The following PCDHA3 variants were observed in gnomAD, a reference collection of about 807,000 sequenced individuals.
PCDHA3 encodes protocadherin alpha-3.
In PCDHA3, 41 loss-of-function variants were observed where a neutral mutation model predicts 62.2. That is an observed-to-expected ratio of 0.66 (90% CI 0.51 to 0.86). The LOEUF is 0.86. PCDHA3 is among the 40% of genes least tolerant of loss of function. PCDHA3 has a pLI of 0.00. For missense variants in PCDHA3, 1,304 were observed against 1,241.2 expected, an observed-to-expected ratio of 1.05 and a Z score of -0.76; for synonymous variants, 640 against 555.4, an observed-to-expected ratio of 1.15 and a Z score of -2.14.
At chr5:140,878,174 T>C (rs1554170323) in intron 1 of PCDHA3, 2 of 167,818 alleles carry the variant, frequency 1.2e-5, no homozygotes, top group African/African-American at 2.4e-5. Flanking sequence ...TGTTCATAAT[T>C]TCAAGATTAC....
At chr5:140,871,055 A>T (rs782721683) in intron 1 of PCDHA3, 9 of 1,613,326 alleles carry the variant, frequency 5.6e-6, no homozygotes, top group African/African-American at 2.7e-5. Context: ...GTACTGGTGA[A>T]GGATCACGGT....
At chr5:140,909,632 A>G (rs781948813) in intron 1 of PCDHA3, among the ~76,000 whole-genome samples, 3 of 152,038 alleles carry the variant, frequency 2.0e-5, no homozygotes, top group South Asian at 2.1e-4. Flanking sequence ...TGGTCTTCCT[A>G]TTTTGTCTTT....
At chr5:140,814,506 A>G (rs1428640879) in intron 1 of PCDHA3, 1 of 151,872 alleles carries the variant, frequency 6.6e-6, no homozygotes, top group African/African-American at 2.4e-5. Flanking sequence ...ACTGTAAAAT[A>G]CCACTAAAAA....
At chr5:140,876,172 G>C in intron 1 of PCDHA3, 1 of 1,613,970 alleles carries the variant, frequency 6.2e-7, no homozygotes, top group East Asian at 2.2e-5. Flanking sequence ...AACCGTCCTG[G>C]ATGTGAATGA....
Position 140,802,435 on chromosome 5 carries a change from T to C in PCDHA3, c.1238T>C (p.Leu413Pro). The C allele has an allele frequency of 6.2e-7, 1 of 1,614,234 alleles. No homozygotes were observed. Among genetic ancestry groups the C allele is most frequent in the Non-Finnish European group, 8.5e-7 (1 of 1,180,040 alleles). ...TACTCATTGGTGCTGGACAGCCCTCTGGACCGCGAGAGCGTGTCGGCCTAT... is the reference window on the plus strand; with the variant it reads ...TACTCATTGGTGCTGGACAGCCCTCCGGACCGCGAGAGCGTGTCGGCCTAT... ...NYYSLVLDSP[L>P]DRESVSAYEL... The change falls in exon 1 of 4, where the codon CTG becomes CCG. Residue 413 changes from leucine to proline, a missense_variant. Physicochemically the swap from Leu to Pro is moderately conservative, Grantham distance 98. Coordinates refer to ENST00000522353, the MANE Select transcript of PCDHA3 (RefSeq NM_018906.3).
At chr5:140,896,000 AG>A (rs1239259521) in intron 1 of PCDHA3, among the ~76,000 whole-genome samples, 1 of 152,064 alleles carries the variant, frequency 6.6e-6, no homozygotes, top group Non-Finnish European at 1.5e-5. Flanking sequence ...AAGTAGAGAC[AG>A]GGTTTCTCCA....
Position 140,993,289 on chromosome 5 carries a change from C to T in PCDHA3, c.2542+10726C>T, listed in dbSNP as rs148346866. Among the ~76,000 whole-genome samples the T allele has an allele frequency of 3.6e-3, 552 of 152,140 alleles. 3 individuals are homozygous for T. The highest frequency in any genetic ancestry group is 0.01 in the Middle Eastern group (3 of 294). On this transcript the variant is annotated intron_variant, in intron 3 of 3. Coordinates refer to ENST00000522353, the MANE Select transcript of PCDHA3 (RefSeq NM_018906.3). ...TCTTTGGTCTTTTCTTGCCCAGGGTCACAACCTTGCCTCCAGGATAATACC... is the reference window on the plus strand; with the variant it reads ...TCTTTGGTCTTTTCTTGCCCAGGGTTACAACCTTGCCTCCAGGATAATACC...
chr5:140,966,678 C>T, intron 1 of PCDHA3: 5 of 1,313,350 alleles, frequency 3.8e-6, no homozygotes, highest in South Asian at 3.6e-5. Context: ...CAGGGTGGCA[C>T]GAGCGGAGGC....
At position 140,877,451 on chromosome 5, in the gene PCDHA3, C is replaced by T. The variant is rs782361627; in HGVS notation, c.2394+73860C>T. ...AAGGACCACGGTGAGCCCGCGCTGA[C>T]GTCCACGGCCACGGTGCTGGTGTCG... On this transcript the variant is annotated intron_variant, in intron 1 of 3. Coordinates refer to ENST00000522353, the MANE Select transcript of PCDHA3 (RefSeq NM_018906.3). The T allele has an allele frequency of 3.5e-5, 57 of 1,613,672 alleles. No individual in the cohort carries two copies. The East Asian group carries it at 1.2e-3, about 35-fold the overall frequency.
intron 3 of PCDHA3, among the ~76,000 whole-genome samples, chr5:141,000,413 A>AT (rs2097920175): frequency 1.1e-5 from 1 of 93,256 alleles, no homozygotes; most frequent in African/African-American, 4.5e-5. Context: ...ATATATATAT[A>AT]TATATATATT....
intron 1 of PCDHA3, among the ~76,000 whole-genome samples, chr5:140,945,113 T>C (rs1359604882): frequency 2.6e-5 from 4 of 152,084 alleles, no homozygotes; most frequent in African/African-American, 4.8e-5. Flanking sequence ...AGTTGAAAGA[T>C]AAAAAATCAA....
intron 1 of PCDHA3, among the ~76,000 whole-genome samples, chr5:140,977,973 A>G (rs1336063493): frequency 4.6e-5 from 7 of 152,178 alleles, no homozygotes; most frequent in Admixed American, 3.9e-4. Flanking sequence ...TCCGCCCATG[A>G]AAACGCATCT....
chr5:140,894,852 T>C (rs1366360589), intron 1 of PCDHA3, among the ~76,000 whole-genome samples: 2 of 152,200 alleles, frequency 1.3e-5, no homozygotes, highest in African/African-American at 2.4e-5. Flanking sequence ...CATTTTTATA[T>C]GAAAAGTGCT....
At chr5:140,995,698 G>T (rs963042409) in intron 3 of PCDHA3, among the ~76,000 whole-genome samples, 1 of 152,104 alleles carries the variant, frequency 6.6e-6, no homozygotes, top group African/African-American at 2.4e-5. Context: ...TTAAATAAAG[G>T]GCTGGGCTTG....
intron 1 of PCDHA3, chr5:140,853,685 C>T (rs1554146805): frequency 1.0e-6 from 1 of 988,006 alleles, no homozygotes; most frequent in Non-Finnish European, 1.2e-6. Context: ...TCAACCTATC[C>T]TTAGACCTGC....
At chr5:140,851,290 G>A (rs2042014989) in intron 1 of PCDHA3, 2 of 1,033,710 alleles carry the variant, frequency 1.9e-6, no homozygotes, top group Non-Finnish European at 2.4e-6. Flanking sequence ...AGAAACCCAA[G>A]CAAAAATATA....
At chr5:140,824,078 T>G in intron 1 of PCDHA3, 1 of 1,614,194 alleles carries the variant, frequency 6.2e-7, no homozygotes, top group Non-Finnish European at 8.5e-7. Context: ...AAAACAGACC[T>G]CATGGCCTTC....
intron 1 of PCDHA3, chr5:140,882,664 A>AT (rs782651285): frequency 6.2e-7 from 1 of 1,614,046 alleles, no homozygotes; most frequent in Admixed American, 1.7e-5. Flanking sequence ...ACCCGCCCAT[A>AT]TTCCCTGAAA....
Position 141,010,239 on chromosome 5 carries a change from G to A in PCDHA3, c.*302G>A. ...AGGCTTCCCAGCCCCGCCAGTGAGA[G>A]GTTGGACTCTCTGCCCTGTGCTCCG... On this transcript the variant is annotated 3_prime_UTR_variant, in exon 4 of 4. Transcript: ENST00000522353. 1 of 1,551,938 alleles carries A rather than the reference G, an allele frequency of 6.4e-7. No homozygotes were observed. Among genetic ancestry groups the A allele is most frequent in the Non-Finnish European group, 8.7e-7 (1 of 1,147,044 alleles).
Sources: allele counts gnomAD v4.1 joint callset (sites outside exome capture counted in the v4.1 genomes callset), GRCh38; gene constraint gnomAD v4.1.1; transcripts MANE v1.5; gene names NCBI Gene and HGNC (gene_info 2026-07-23, HGNC 2026-07-21).